The following ANK3 variants were observed in gnomAD, a reference collection of about 807,000 sequenced individuals.
The protein encoded by ANK3 is ankyrin-3.
Under a neutral mutation model 370.9 loss-of-function variants are expected in ANK3, and 57 were observed. That is an observed-to-expected ratio of 0.15 (90% CI 0.12 to 0.19). ANK3 has a LOEUF of 0.19. Ranked by LOEUF, ANK3 falls within the 10% of genes least tolerant of loss-of-function variation. The pLI is 1.00. For missense variants in ANK3, 4,439 were observed against 5,302.1 expected (o/e 0.84, Z 5.06); for synonymous variants, 1,929 against 1,946.3 (o/e 0.99, Z 0.23).
intron 5 of ANK3, among the ~76,000 whole-genome samples, chr10:60,269,144 A>C (rs1431101995): frequency 6.6e-6 from 1 of 152,182 alleles, no homozygotes; most frequent in African/African-American, 2.4e-5. Flanking sequence ...AAATACTCAA[A>C]TATTGATCCT....
At chr10:60,067,648 G>A (rs2081919936) in intron 38 of ANK3, among the ~76,000 whole-genome samples, 1 of 152,142 alleles carries the variant, frequency 6.6e-6, no homozygotes, top group Non-Finnish European at 1.5e-5. Flanking sequence ...TCAGTAGAAG[G>A]TTAACCTATA....
intron 5 of ANK3, among the ~76,000 whole-genome samples, chr10:60,264,374 G>A (rs180886209): frequency 2.0e-5 from 3 of 152,012 alleles, no homozygotes; most frequent in African/African-American, 4.8e-5. Flanking sequence ...GGCCAGGTGC[G>A]GTGGCTCATG....
intron 1 of ANK3, among the ~76,000 whole-genome samples, chr10:60,622,421 T>G (rs753164190): frequency 6.6e-6 from 1 of 152,096 alleles, no homozygotes. Context: ...TATTGTATTT[T>G]TAGTAGAGAT....
chr10:60,194,416 C>A (rs995373312), intron 16 of ANK3, among the ~76,000 whole-genome samples: 8 of 152,172 alleles, frequency 5.3e-5, no homozygotes, highest in African/African-American at 1.9e-4. Context: ...TCCCCATTCC[C>A]TTCTCCCTCT....
chr10:60,104,933 T>A (rs1353814235), intron 28 of ANK3, among the ~76,000 whole-genome samples: 3 of 152,318 alleles, frequency 2.0e-5, no homozygotes, highest in African/African-American at 7.2e-5. Flanking sequence ...CTCACAGAGT[T>A]CAATAAATTT....
intron 7 of ANK3, among the ~76,000 whole-genome samples, chr10:60,255,997 C>G (rs1202658311): frequency 6.6e-6 from 1 of 152,098 alleles, no homozygotes; most frequent in Non-Finnish European, 1.5e-5. Context: ...ACAGTGGTCT[C>G]CGGGGGCTCA....
chr10:60,408,231 C>T (rs1594968837), intron 2 of ANK3, among the ~76,000 whole-genome samples: 1 of 152,134 alleles, frequency 6.6e-6, no homozygotes, highest in East Asian at 1.9e-4. Flanking sequence ...GGATCTGTGT[C>T]CCCACCCATG....
chr10:60,718,543 T>G lies in ANK3; in HGVS notation c.57+14720A>C, dbSNP rs78487710. On this transcript the variant is annotated intron_variant, in intron 1 of 43. Transcript: ENST00000373827. Reference sequence around the variant, plus strand: ...AACATAGAAGGAAAAAAAAAAGTATTCTTAATTTTACTCTATAAAAACATG... The same window carrying G: ...AACATAGAAGGAAAAAAAAAAGTATGCTTAATTTTACTCTATAAAAACATG... Among the ~76,000 whole-genome samples, 328 of 152,252 alleles carry G rather than the reference T, an allele frequency of 2.2e-3. 2 individuals carry two copies. The highest frequency in any genetic ancestry group is 7.6e-3 in the African/African-American group (317 of 41,542).
intron 1 of ANK3, among the ~76,000 whole-genome samples, chr10:60,298,751 T>C (rs1241622645): frequency 1.3e-5 from 2 of 152,208 alleles, no homozygotes; most frequent in African/African-American, 4.8e-5. Flanking sequence ...TAGGCTTTCC[T>C]TTTGGATCTC....
At position 60,395,598 on chromosome 10, in the gene ANK3, T is replaced by TTCTC. The variant is rs2063213059; in HGVS notation, c.97-115960_97-115959insGAGA. On this transcript the variant is annotated intron_variant, in intron 2 of 43. Transcript: ENST00000373827. ...TTTCTTTCTTTCTTTCTTTCTTTCT[T>TTCTC]TCTTTCTTTCTCTCTTTCGTTCTCT... Among the ~76,000 whole-genome samples the TTCTC allele has an allele frequency of 2.2e-4, 26 of 119,334 alleles. No individual in the cohort carries two copies. The South Asian group carries it at 4.1e-3, about 19-fold the overall frequency. 78.3% of individuals were successfully genotyped at this position (119,334 alleles called of 152,430 possible).
intron 43 of ANK3, 70 bp from the exon 44 acceptor site, chr10:60,029,896 T>TTC (rs2072977896): frequency 7.1e-6 from 1 of 140,090 alleles, no homozygotes; most frequent in African/African-American, 2.8e-5. Context: ...TTTTTTTTTT[T>TTC]TTTTTTTTTA....
chr10:60,515,771 A>C (rs1025333300), intron 2 of ANK3, among the ~76,000 whole-genome samples: 2 of 152,166 alleles, frequency 1.3e-5, no homozygotes, highest in Admixed American at 6.5e-5. Flanking sequence ...CAAAGAAAGC[A>C]GCTAAATAGA....
intron 1 of ANK3, among the ~76,000 whole-genome samples, chr10:60,693,322 G>A (rs960813757): frequency 6.6e-6 from 1 of 152,240 alleles, no homozygotes; most frequent in Non-Finnish European, 1.5e-5. Flanking sequence ...GAGGCTGGGG[G>A]AGGGGCGCCC....
At chr10:60,168,302 A>C (rs1270554807) in intron 21 of ANK3, among the ~76,000 whole-genome samples, 1 of 152,254 alleles carries the variant, frequency 6.6e-6, no homozygotes, top group East Asian at 1.9e-4. Context: ...CTGGGAATAC[A>C]GGCATGAGCC....
At chr10:60,724,175 A>G (rs1231058023) in intron 1 of ANK3, among the ~76,000 whole-genome samples, 1 of 120,136 alleles carries the variant, frequency 8.3e-6, no homozygotes, top group Non-Finnish European at 1.6e-5. Flanking sequence ...GCGCCACTGC[A>G]CTCCAGCCTG....
chr10:60,203,090 G>T lies in ANK3; in HGVS notation c.1304C>A (p.Thr435Asn). The T allele has an allele frequency of 6.2e-7, 1 of 1,613,240 alleles. No individual in the cohort carries two copies. The highest frequency in any genetic ancestry group is 8.5e-7 in the Non-Finnish European group (1 of 1,179,490). ...SIQAVTESGL[T>N]PIHVAAFMGH... The stretch of plus-strand genomic sequence containing the variant: ...CATGAAGGCAGCAACATGGATTGGG[G>T]TAAGGCCCGACTAAGGGGAAAAGAA... The change falls in exon 12 of 44, where the codon ACC becomes AAC. Residue 435 changes from threonine to asparagine, a missense_variant. Thr to Asn is a moderately conservative substitution (Grantham distance 65, BLOSUM62 0). Transcript: ENST00000280772.
At chr10:60,120,076 T>C (rs1052810268) in intron 25 of ANK3, among the ~76,000 whole-genome samples, 1 of 152,142 alleles carries the variant, frequency 6.6e-6, no homozygotes, top group African/African-American at 2.4e-5. Flanking sequence ...TACAGAGATA[T>C]AATCACCAAA....
chr10:60,329,852 A>C (rs1161150124), intron 1 of ANK3, among the ~76,000 whole-genome samples: 1 of 152,222 alleles, frequency 6.6e-6, no homozygotes, highest in Non-Finnish European at 1.5e-5. Flanking sequence ...AAAAGTACAA[A>C]GCTGAAGGCA....
intron 1 of ANK3, among the ~76,000 whole-genome samples, chr10:60,623,962 C>T (rs2078374240): frequency 1.3e-5 from 2 of 152,134 alleles, no homozygotes; most frequent in African/African-American, 4.8e-5. Flanking sequence ...GTCTCAGTCA[C>T]ATAACTCTGT....
Sources: gnomAD v4.1 joint callset for allele counts (sites outside exome capture counted in the v4.1 genomes callset) on GRCh38, gnomAD v4.1.1 for gene constraint, MANE v1.5 for transcripts, NCBI Gene and HGNC (gene_info 2026-07-23, HGNC 2026-07-21) for gene names.